Variants in OR2Z1 observed in about 807,000 individuals in gnomAD.
The protein encoded by OR2Z1 is olfactory receptor family 2 subfamily Z member 1.
For missense variants in OR2Z1, 449 were observed against 401.8 expected (o/e 1.12, Z -1.00); for synonymous variants, 188 against 160.6 (o/e 1.17, Z -1.29).
intron 2 of OR2Z1, among the ~76,000 whole-genome samples, chr19:8,724,196 A>C (rs1045531934): frequency 6.6e-6 from 1 of 151,286 alleles, no homozygotes; most frequent in Non-Finnish European, 1.5e-5. Context: ...CTGTCTTCTC[A>C]TCCCCAAAAT....
At chr19:8,726,678 A>G (rs1555756210) in intron 2 of OR2Z1, among the ~76,000 whole-genome samples, 1 of 152,202 alleles carries the variant, frequency 6.6e-6, no homozygotes, top group Admixed American at 6.5e-5. Flanking sequence ...TTTTATGCCC[A>G]TTCTAGGGCA....
rs782146683 is a variant in OR2Z1, at chr19:8,731,668, A to C, written c.640A>C (p.Ile214Leu). The change falls in exon 3 of 3, where the codon ATC (isoleucine) becomes CTC (leucine). Residue 214 changes from isoleucine (I) to leucine (L), a missense_variant. Ile to Leu is a conservative substitution (Grantham distance 5). Coordinates refer to ENST00000641125, the MANE Select transcript of OR2Z1 (RefSeq NM_001004699.3). Reference sequence around the variant, plus strand: ...GATCCTAATGCTCCCTCTTTCCCTCATCGCCACCTCCTACGGCCACGTGTT... The same window carrying C: ...GATCCTAATGCTCCCTCTTTCCCTCCTCGCCACCTCCTACGGCCACGTGTT... ...VLILMLPLSLIATSYGHVLQA... is the reference protein window; with the variant it reads ...VLILMLPLSLLATSYGHVLQA... The C allele has an allele frequency of 2.5e-5, 41 of 1,613,398 alleles. No homozygotes were observed. Among genetic ancestry groups the C allele is most frequent in the Non-Finnish European group, 3.2e-5 (38 of 1,179,934 alleles).
intron 2 of OR2Z1, among the ~76,000 whole-genome samples, chr19:8,727,868 A>G (rs2043334233): frequency 6.6e-6 from 1 of 152,262 alleles, no homozygotes; most frequent in Non-Finnish European, 1.5e-5. Flanking sequence ...CTCTGTCTCA[A>G]CCAAAACAAA....
At chr19:8,724,886 G>T (rs1455664062) in intron 2 of OR2Z1, among the ~76,000 whole-genome samples, 1 of 152,096 alleles carries the variant, frequency 6.6e-6, no homozygotes, top group African/African-American at 2.4e-5. Flanking sequence ...GCTTCTGCCT[G>T]CAAGCCTATT....
At chr19:8,726,355 A>G (rs1344732880) in intron 2 of OR2Z1, among the ~76,000 whole-genome samples, 1 of 152,092 alleles carries the variant, frequency 6.6e-6, no homozygotes, top group Non-Finnish European at 1.5e-5. Context: ...ATGAGAAGCC[A>G]CCTCCATGAT....
At chr19:8,728,567 C>T (rs1009396359) in intron 2 of OR2Z1, among the ~76,000 whole-genome samples, 14 of 151,966 alleles carry the variant, frequency 9.2e-5, no homozygotes, top group East Asian at 1.9e-4. Flanking sequence ...CTGTTAAATA[C>T]GTTTGGGGGT....
At chr19:8,728,400 C>T (rs1181787240) in intron 2 of OR2Z1, among the ~76,000 whole-genome samples, 1 of 152,152 alleles carries the variant, frequency 6.6e-6, no homozygotes, top group South Asian at 2.1e-4. Flanking sequence ...AGTCAGACTA[C>T]CCACAGGCCG....
intron 2 of OR2Z1, chr19:8,729,078 G>T: frequency 8.6e-7 from 1 of 1,169,578 alleles, no homozygotes; most frequent in Non-Finnish European, 1.3e-6. Context: ...GAAGGTGGGT[G>T]ACATGTGGGA....
At position 8,727,744 on chromosome 19, in the gene OR2Z1, G is replaced by A. The variant is rs147629471; in HGVS notation, c.-169-3116G>A. On this transcript the variant is annotated intron_variant, in intron 2 of 2. Coordinates refer to ENST00000641125, the MANE Select transcript of OR2Z1 (RefSeq NM_001004699.3). ...TAGCTGATTGTGATGGCATGTGCCT[G>A]TAATCCAAGCTACTTGGGAGGCTGA... Among the ~76,000 whole-genome samples, 1,005 of 152,300 alleles carry A rather than the reference G, an allele frequency of 6.6e-3. 9 individuals are homozygous for A. The highest frequency in any genetic ancestry group is 0.011 in the Non-Finnish European group (773 of 68,020).
At position 8,731,396 on chromosome 19, in the gene OR2Z1, A is replaced by T; in HGVS notation, c.368A>T (p.Tyr123Phe). The change falls in exon 3 of 3, where the codon TAT (tyrosine) becomes TTT (phenylalanine). Residue 123 changes from tyrosine (Y) to phenylalanine (F), a missense_variant. By Grantham distance (22) the Tyr-to-Phe change is conservative. Transcript: ENST00000641125. ...TTGGTCCTCATGTCTTATGACCGTT[A>T]TGTTGCTGTGTGCCAGCCCCTGCAG... ...VLLVLMSYDRYVAVCQPLQYP... is the reference protein window; with the variant it reads ...VLLVLMSYDRFVAVCQPLQYP... 1 of 1,614,026 alleles carries T rather than the reference A, an allele frequency of 6.2e-7. No homozygotes were observed. The highest frequency in any genetic ancestry group is 8.5e-7 in the Non-Finnish European group (1 of 1,180,010).
intron 1 of OR2Z1, among the ~76,000 whole-genome samples, chr19:8,722,302 A>G (rs943867798): frequency 9.2e-5 from 14 of 151,764 alleles, no homozygotes; most frequent in African/African-American, 3.4e-4. Flanking sequence ...TAAATAATAT[A>G]AGTGACAGTT....
At chr19:8,723,963 T>G (rs1160090904) in intron 2 of OR2Z1, among the ~76,000 whole-genome samples, 5 of 114,200 alleles carry the variant, frequency 4.4e-5, no homozygotes, top group East Asian at 2.5e-4. Flanking sequence ...TGAAGGGGAG[T>G]CTGTTTGTGT....
rs782181592 is a variant in OR2Z1, at chr19:8,731,878, A to G, written c.850A>G (p.Thr284Ala). Reference protein sequence around the residue: ...VSLFYSLVTPTLNPLIYSLRN... With the variant: ...VSLFYSLVTPALNPLIYSLRN... ...CCTCTTCTATAGCCTTGTCACCCCT[A>G]CACTCAACCCCCTTATCTACAGTCT... Residue 284 changes from threonine to alanine, a missense_variant, in exon 3 of 3, where the codon ACA becomes GCA. Coordinates refer to ENST00000641125, the MANE Select transcript of OR2Z1 (RefSeq NM_001004699.3). 3.7e-6 allele frequency: 6 copies of G among 1,614,100 alleles called. No individual in the cohort carries two copies. The highest frequency in any genetic ancestry group is 4.2e-6 in the Non-Finnish European group (5 of 1,180,012).
At chr19:8,723,734 C>A (rs1200419669) in intron 2 of OR2Z1, among the ~76,000 whole-genome samples, 1 of 151,964 alleles carries the variant, frequency 6.6e-6, no homozygotes, top group African/African-American at 2.4e-5. Flanking sequence ...GGTTTCTTCC[C>A]AAGAGTGCTC....
At chr19:8,722,327 T>A (rs1421327615) in intron 1 of OR2Z1, among the ~76,000 whole-genome samples, 2 of 151,964 alleles carry the variant, frequency 1.3e-5, no homozygotes, top group African/African-American at 2.4e-5. Context: ...CTGCAAACTG[T>A]CATGTGATCA....
In OR2Z1 at chr19:8,730,959, T is replaced by G; in HGVS notation, c.-70T>G. On this transcript the variant is annotated 5_prime_UTR_variant, in exon 3 of 3. Coordinates refer to ENST00000641125, the MANE Select transcript of OR2Z1 (RefSeq NM_001004699.3). ...ATTGGCATGTGAGATGAAAATTATT[T>G]GCCACCCCATGCAGGCTTCTTGCCA... The G allele has an allele frequency of 8.1e-7, 1 of 1,233,714 alleles. No individual in the cohort carries two copies. Among genetic ancestry groups the G allele is most frequent in the East Asian group, 2.3e-5 (1 of 42,694 alleles). The allele number at this position is 1,233,714 out of a possible 1,614,324, so 76.4% of individuals were successfully genotyped here. A position where few individuals can be genotyped will look rare whatever the true frequency, so the allele number is the denominator to read the frequency against.
At chr19:8,729,097 T>A in intron 2 of OR2Z1, 1 of 1,248,042 alleles carries the variant, frequency 8.0e-7, no homozygotes, top group East Asian at 2.4e-5. Context: ...GATCTTTTTT[T>A]TAGTGGCTGT....
Position 8,730,432 on chromosome 19 carries a change from T to G in OR2Z1, c.-169-428T>G, listed in dbSNP as rs138270371. Among the ~76,000 whole-genome samples the G allele has an allele frequency of 3.8e-3, 573 of 152,164 alleles. 3 individuals are homozygous for G. The highest frequency in any genetic ancestry group is 0.013 in the African/African-American group (551 of 41,518). On this transcript the variant is annotated intron_variant, in intron 2 of 2. Transcript: ENST00000641125. Reference sequence around the variant, plus strand: ...TGTCTTTAACTTGAACCGCATTTTTTTTTTTGAGATGGAGTCTCGCTCTGT... The same window carrying G: ...TGTCTTTAACTTGAACCGCATTTTTGTTTTTGAGATGGAGTCTCGCTCTGT...
At position 8,731,304 on chromosome 19, in the gene OR2Z1, C is replaced by T. The variant is rs374827777; in HGVS notation, c.276C>T (p.Thr92=). 5 of 1,614,058 alleles carry T rather than the reference C, an allele frequency of 3.1e-6. No individual in the cohort carries two copies. The highest frequency in any genetic ancestry group is 4.2e-6 in the Non-Finnish European group (5 of 1,180,038). ...ACTTTCTGCGGGGAGAAGGTGCCAC[C>T]TCCTATGGAGGTGGTGCAGCTCAAA... The part of the protein sequence containing the change: ...ASDFLRGEGA[T]SYGGGAAQIF... The change falls in exon 3 of 3, where the codon ACC becomes ACT. Residue 92 remains threonine, a synonymous_variant. Coordinates refer to ENST00000641125, the MANE Select transcript of OR2Z1 (RefSeq NM_001004699.3).
Sources: allele counts gnomAD v4.1 joint callset (sites outside exome capture counted in the v4.1 genomes callset), GRCh38; gene constraint gnomAD v4.1.1; transcripts MANE v1.5; gene names NCBI Gene and HGNC (gene_info 2026-07-23, HGNC 2026-07-21).